IMMP2L: variants seen among roughly 807,000 people sequenced by gnomAD.
IMMP2L encodes mitochondrial inner membrane protease subunit 2.
A neutral mutation model predicts 19.3 loss-of-function variants in IMMP2L; 18 were observed. The observed-to-expected ratio is 0.93, with a 90% confidence interval of 0.64 to 1.38. The LOEUF (loss-of-function observed/expected upper bound fraction) is 1.38, where lower values mean the gene tolerates loss of function less well. Ranked by LOEUF, IMMP2L falls within the 40% of genes most tolerant of loss-of-function variation. The pLI is 0.00. For missense variants in IMMP2L, 233 were observed against 218.2 expected (o/e 1.07, Z -0.43); for synonymous variants, 76 against 73.0 (o/e 1.04, Z -0.21).
At chr7:111,490,381 G>T (rs991077464) in intron 2 of IMMP2L, among the ~76,000 whole-genome samples, 3 of 150,604 alleles carry the variant, frequency 2.0e-5, no homozygotes, top group African/African-American at 7.3e-5. Flanking sequence ...ATCAACCAAA[G>T]CGCTGAGATT....
chr7:111,068,192 C>G (rs1201240336), intron 3 of IMMP2L, among the ~76,000 whole-genome samples: 1 of 151,950 alleles, frequency 6.6e-6, no homozygotes, highest in East Asian at 1.9e-4. Context: ...ACAGAGAATA[C>G]AGACTAAGAG....
At chr7:110,732,466 T>C (rs746943089) in intron 5 of IMMP2L, among the ~76,000 whole-genome samples, 9 of 152,158 alleles carry the variant, frequency 5.9e-5, no homozygotes, top group Non-Finnish European at 8.8e-5. Flanking sequence ...TGAATTATGA[T>C]TTGAGAGCTT....
intron 5 of IMMP2L, among the ~76,000 whole-genome samples, chr7:110,876,574 A>T (rs1377085036): frequency 6.6e-6 from 1 of 152,114 alleles, no homozygotes; most frequent in Non-Finnish European, 1.5e-5. Context: ...CAGCTGGTGA[A>T]TTTCTCTGAC....
intron 4 of IMMP2L, among the ~76,000 whole-genome samples, chr7:110,898,778 C>T (rs906166694): frequency 3.3e-5 from 5 of 150,430 alleles, no homozygotes; most frequent in African/African-American, 1.2e-4. Flanking sequence ...TACTCTCCAG[C>T]TAGAAAATCA....
intron 3 of IMMP2L, among the ~76,000 whole-genome samples, chr7:111,014,474 C>T (rs534241569): frequency 6.6e-6 from 1 of 152,166 alleles, no homozygotes; most frequent in Non-Finnish European, 1.5e-5. Flanking sequence ...ATCTTTGAAT[C>T]ACTGAACTCT....
intron 3 of IMMP2L, among the ~76,000 whole-genome samples, chr7:110,989,809 T>C (rs939168918): frequency 2.0e-5 from 3 of 151,876 alleles, no homozygotes; most frequent in Non-Finnish European, 4.4e-5. Context: ...TTTTAAAACA[T>C]TAGAAAAAAC....
rs28533287 is a variant in IMMP2L at position 110,780,352 on chromosome 7, T to C, written c.408+106241A>G. 4.8e-3 allele frequency among the ~76,000 whole-genome samples: 724 copies of C among 151,542 alleles called. 10 individuals are homozygous for C. Among genetic ancestry groups the C allele is most frequent in the African/African-American group, 0.016 (678 of 41,336 alleles). On this transcript the variant is annotated intron_variant, in intron 5 of 5. Coordinates refer to ENST00000405709, the MANE Select transcript of IMMP2L (RefSeq NM_032549.4). Reference sequence around the variant, plus strand: ...AAAAACAAACTGTTACGGTTTACACTGGTGCTGAAAAGAAAGTTGAGAATT... The same window carrying C: ...AAAAACAAACTGTTACGGTTTACACCGGTGCTGAAAAGAAAGTTGAGAATT...
chr7:110,667,161 C>T (rs933890824), intron 5 of IMMP2L, among the ~76,000 whole-genome samples: 8 of 152,180 alleles, frequency 5.3e-5, no homozygotes, highest in East Asian at 3.9e-4. Context: ...TGAGCCACTG[C>T]GCCCGGCCTG....
intron 5 of IMMP2L, among the ~76,000 whole-genome samples, chr7:110,843,417 A>T (rs1313703425): frequency 6.6e-6 from 1 of 152,146 alleles, no homozygotes; most frequent in African/African-American, 2.4e-5. Context: ...CAGTCAACAA[A>T]GTAGTATACT....
At chr7:111,488,556 T>A (rs1048669779) in intron 2 of IMMP2L, among the ~76,000 whole-genome samples, 6 of 152,124 alleles carry the variant, frequency 3.9e-5, no homozygotes, top group Non-Finnish European at 7.3e-5. Flanking sequence ...ACACACCACA[T>A]TTTCTTTATC....
intron 4 of IMMP2L, among the ~76,000 whole-genome samples, chr7:110,914,572 T>C (rs575559183): frequency 1.4e-4 from 21 of 152,250 alleles, no homozygotes; most frequent in African/African-American, 4.1e-4. Context: ...ATCGTCCCCA[T>C]AAACTTTTCA....
At chr7:111,365,000 A>G (rs1829635787) in intron 3 of IMMP2L, among the ~76,000 whole-genome samples, 4 of 151,994 alleles carry the variant, frequency 2.6e-5, no homozygotes, top group South Asian at 4.1e-4. Context: ...CATTATATAC[A>G]TAAGTAATAA....
intron 5 of IMMP2L, among the ~76,000 whole-genome samples, chr7:110,759,866 G>A (rs866620005): frequency 6.6e-6 from 1 of 152,104 alleles, no homozygotes; most frequent in Non-Finnish European, 1.5e-5. Flanking sequence ...CTTCCTGGCA[G>A]AAGCAAAGTT....
At chr7:111,333,853 G>C (rs1826125438) in intron 3 of IMMP2L, among the ~76,000 whole-genome samples, 1 of 151,982 alleles carries the variant, frequency 6.6e-6, no homozygotes, top group Non-Finnish European at 1.5e-5. Context: ...CTTGCAGATG[G>C]CCTATTGTGG....
intron 5 of IMMP2L, among the ~76,000 whole-genome samples, chr7:110,780,598 C>T (rs1799671872): frequency 6.6e-6 from 1 of 151,692 alleles, no homozygotes; most frequent in Non-Finnish European, 1.5e-5. Context: ...CGCTATTACC[C>T]CTTCCCCACG....
At chr7:111,011,176 C>A (rs1047484609) in intron 3 of IMMP2L, among the ~76,000 whole-genome samples, 3 of 152,042 alleles carry the variant, frequency 2.0e-5, no homozygotes, top group Admixed American at 6.6e-5. Context: ...ATATATGGTT[C>A]TAGTTGCCAG....
At chr7:111,241,258 T>C (rs954218075) in intron 3 of IMMP2L, among the ~76,000 whole-genome samples, 9 of 151,970 alleles carry the variant, frequency 5.9e-5, no homozygotes, top group Admixed American at 5.3e-4. Context: ...TTGAGGAATA[T>C]ATAATATAAA....
chr7:111,020,722 A>C (rs117943050), intron 3 of IMMP2L, among the ~76,000 whole-genome samples: 4,648 of 152,240 alleles, frequency 0.031, 111 homozygotes, highest in South Asian at 0.077. Flanking sequence ...AGATGGCACT[A>C]ATGCACACCA....
intron 3 of IMMP2L, among the ~76,000 whole-genome samples, chr7:111,394,296 T>C (rs1334372220): frequency 1.3e-5 from 2 of 152,162 alleles, no homozygotes; most frequent in African/African-American, 2.4e-5. Flanking sequence ...ATATAACCTA[T>C]GTAAAGCATT....
Sources: gnomAD v4.1 joint callset for allele counts (sites outside exome capture counted in the v4.1 genomes callset) on GRCh38, gnomAD v4.1.1 for gene constraint, MANE v1.5 for transcripts, NCBI Gene and HGNC (gene_info 2026-07-23, HGNC 2026-07-21) for gene names.